Variants in SGCZ observed in about 807,000 individuals in gnomAD.
SGCZ encodes the protein sarcoglycan zeta, also known as zeta-sarcoglycan.
Under a neutral mutation model 41.3 loss-of-function variants are expected in SGCZ, and 40 were observed. The ratio of observed to expected loss-of-function variants is 0.97; its 90% confidence interval spans 0.75 to 1.26. The LOEUF (loss-of-function observed/expected upper bound fraction) is 1.26. SGCZ is among the 50% of genes most tolerant of loss of function. The pLI is 0.00. For missense variants in SGCZ, 552 were observed against 369.8 expected, an observed-to-expected ratio of 1.49 and a Z score of -4.04; for synonymous variants, 206 against 137.5, an observed-to-expected ratio of 1.50 and a Z score of -3.49.
intron 2 of SGCZ, among the ~76,000 whole-genome samples, chr8:14,451,050 A>T (rs1800578708): frequency 1.3e-5 from 2 of 152,276 alleles, no homozygotes; most frequent in African/African-American, 2.4e-5. Context: ...TACTTGTTTT[A>T]AGTGGTCCCC....
intron 1 of SGCZ, among the ~76,000 whole-genome samples, chr8:14,994,409 C>A (rs1047613431): frequency 2.0e-5 from 3 of 152,176 alleles, no homozygotes; most frequent in Admixed American, 6.5e-5. Flanking sequence ...CACGGTGAAA[C>A]CCTGTCTCTA....
At chr8:14,936,429 A>G (rs1315766687) in intron 1 of SGCZ, among the ~76,000 whole-genome samples, 1 of 151,984 alleles carries the variant, frequency 6.6e-6, no homozygotes, top group East Asian at 1.9e-4. Context: ...AGTAATGAAT[A>G]TCTCGTAATT....
chr8:14,728,000 G>C (rs1445687936), intron 1 of SGCZ, among the ~76,000 whole-genome samples: 1 of 152,148 alleles, frequency 6.6e-6, no homozygotes, highest in Non-Finnish European at 1.5e-5. Flanking sequence ...AGACACAAAA[G>C]ATTACCTACT....
intron 1 of SGCZ, among the ~76,000 whole-genome samples, chr8:15,019,518 T>G (rs972134325): frequency 6.6e-6 from 1 of 152,162 alleles, no homozygotes; most frequent in Non-Finnish European, 1.5e-5. Context: ...ACCTGATTGA[T>G]AAATCTAGGC....
At chr8:14,636,039 T>G (rs1193737077) in intron 1 of SGCZ, among the ~76,000 whole-genome samples, 2 of 151,738 alleles carry the variant, frequency 1.3e-5, no homozygotes, top group African/African-American at 2.4e-5. Context: ...TAGGCCTAAT[T>G]ATTTTGACGA....
chr8:14,136,288 A>G (rs540608880), intron 5 of SGCZ, among the ~76,000 whole-genome samples: 13 of 152,240 alleles, frequency 8.5e-5, no homozygotes, highest in Admixed American at 5.2e-4. Flanking sequence ...GGTTAATCTC[A>G]CTGGGACTGC....
chr8:14,832,078 T>G (rs1802552618), intron 1 of SGCZ, among the ~76,000 whole-genome samples: 1 of 152,120 alleles, frequency 6.6e-6, no homozygotes, highest in Non-Finnish European at 1.5e-5. Context: ...AAAACGACAA[T>G]AATAATATCA....
chr8:14,741,781 C>G (rs757009989), intron 1 of SGCZ, among the ~76,000 whole-genome samples: 3 of 151,878 alleles, frequency 2.0e-5, no homozygotes, highest in Non-Finnish European at 2.9e-5. Flanking sequence ...TAAATAAATT[C>G]AAAGTATTGC....
chr8:14,364,069 T>C (rs1214332120), intron 2 of SGCZ, among the ~76,000 whole-genome samples: 2 of 152,196 alleles, frequency 1.3e-5, no homozygotes, highest in Non-Finnish European at 2.9e-5. Context: ...ACTCAATAGA[T>C]ACTCTAATTT....
chr8:14,987,799 T>C lies in SGCZ; in HGVS notation c.39+249786A>G, dbSNP rs73665351. ...TTAACCCAAACGGAGGAAAAGGTAA[T>C]TAATTTTTCAGGCAACAATTTCATT... On this transcript the variant is annotated intron_variant, in intron 1 of 7. Coordinates refer to ENST00000382080, the MANE Select transcript of SGCZ (RefSeq NM_139167.4). Among the ~76,000 whole-genome samples the C allele has an allele frequency of 3.2e-4, 48 of 152,150 alleles. 1 individual carries two copies. The highest frequency in any genetic ancestry group is 1.1e-3 in the African/African-American group (46 of 41,564).
intron 1 of SGCZ, among the ~76,000 whole-genome samples, chr8:14,902,698 A>T (rs955733139): frequency 2.0e-5 from 3 of 152,140 alleles, no homozygotes; most frequent in Admixed American, 6.6e-5. Flanking sequence ...GAAAGATATA[A>T]ATATCACAAA....
intron 1 of SGCZ, among the ~76,000 whole-genome samples, chr8:14,611,233 T>C (rs1043018095): frequency 2.6e-5 from 4 of 152,158 alleles, no homozygotes; most frequent in Non-Finnish European, 5.9e-5. Context: ...TTTTCAAATA[T>C]CTTTATATTT....
intron 1 of SGCZ, among the ~76,000 whole-genome samples, chr8:15,136,145 G>C (rs890871466): frequency 6.6e-6 from 1 of 151,858 alleles, no homozygotes; most frequent in African/African-American, 2.4e-5. Context: ...TTTGGTCCAG[G>C]GTCCAAGACC....
At chr8:15,018,214 G>A (rs10216426) in intron 1 of SGCZ, among the ~76,000 whole-genome samples, 19,685 of 152,026 alleles carry the variant, frequency 0.13, 1,808 homozygotes, top group African/African-American at 0.26. Context: ...TTACTCATTC[G>A]GCACATGTTT....
chr8:14,282,106 A>G (rs866175215), intron 3 of SGCZ, among the ~76,000 whole-genome samples: 1 of 146,960 alleles, frequency 6.8e-6, no homozygotes, highest in South Asian at 2.2e-4. Flanking sequence ...GGAATTTAAT[A>G]AAAGTTGACT....
intron 1 of SGCZ, among the ~76,000 whole-genome samples, chr8:15,139,286 AC>A (rs1194652412): frequency 1.3e-5 from 2 of 152,188 alleles, no homozygotes; most frequent in East Asian, 3.9e-4. Flanking sequence ...GAGCTTATAA[AC>A]AACATGTATC....
chr8:14,303,582 T>G (rs772861867), intron 3 of SGCZ, among the ~76,000 whole-genome samples: 17 of 152,036 alleles, frequency 1.1e-4, no homozygotes, highest in Non-Finnish European at 2.2e-4. Context: ...AAACTAAAAT[T>G]TCTCCAAAAT....
chr8:14,818,067 C>G (rs745532052), intron 1 of SGCZ, among the ~76,000 whole-genome samples: 1 of 152,204 alleles, frequency 6.6e-6, no homozygotes, highest in Non-Finnish European at 1.5e-5. Context: ...CCATCCGGCC[C>G]TTCTGTGCCC....
intron 1 of SGCZ, among the ~76,000 whole-genome samples, chr8:14,710,545 C>T (rs1795925827): frequency 6.6e-6 from 1 of 151,980 alleles, no homozygotes; most frequent in Admixed American, 6.5e-5. Flanking sequence ...TAAAGTTTTT[C>T]ACTGTCTACG....
Sources: allele counts gnomAD v4.1 joint callset (sites outside exome capture counted in the v4.1 genomes callset), GRCh38; gene constraint gnomAD v4.1.1; transcripts MANE v1.5; gene names NCBI Gene and HGNC (gene_info 2026-07-23, HGNC 2026-07-21).